The following ADGRF5 variants were observed in gnomAD, a reference collection of about 807,000 sequenced individuals.
ADGRF5 encodes the protein adhesion G protein-coupled receptor F5, also known as G-protein coupled receptor 116.
ADGRF5 carries 75 observed loss-of-function variants against 132.3 expected under a neutral mutation model. The observed-to-expected ratio is 0.57, with a 90% CI of 0.47 to 0.69. The LOEUF (loss-of-function observed/expected upper bound fraction) is 0.69. ADGRF5 is among the 30% of genes least tolerant of loss of function. ADGRF5 has a pLI of 0.00. For synonymous variants in ADGRF5, 629 were observed against 597.6 expected (o/e 1.05, Z -0.77); for missense variants, 1,516 against 1,630.6 (o/e 0.93, Z 1.21).
upstream of ADGRF5, among the ~76,000 whole-genome samples, chr6:46,922,920 T>C (rs1473365245): frequency 6.6e-6 from 1 of 152,150 alleles, no homozygotes; most frequent in East Asian, 1.9e-4. Context: ...CTTGACCCTA[T>C]TGAGATTCAG....
chr6:46,888,128 C>T, intron 4 of ADGRF5: 1 of 497,414 alleles, frequency 2.0e-6, no homozygotes, highest in Non-Finnish European at 3.6e-6. Flanking sequence ...CCTTTGGTCA[C>T]CATTTAAAAT....
intron 1 of ADGRF5, among the ~76,000 whole-genome samples, chr6:46,938,448 T>C (rs548306437): frequency 2.4e-4 from 36 of 152,340 alleles, no homozygotes; most frequent in African/African-American, 7.5e-4. Context: ...ACTTGGGGGC[T>C]GCTGTGAAAA....
intron 16 of ADGRF5, among the ~76,000 whole-genome samples, chr6:46,860,095 G>A (rs989130025): frequency 3.3e-5 from 5 of 152,080 alleles, no homozygotes; most frequent in African/African-American, 1.2e-4. Context: ...TATAGCTCTG[G>A]CCTTCCAAGA....
At chr6:46,914,866 T>G (rs1378767469) in intron 1 of ADGRF5, among the ~76,000 whole-genome samples, 2 of 151,722 alleles carry the variant, frequency 1.3e-5, no homozygotes, top group Non-Finnish European at 2.9e-5. Context: ...TGTTTGTTTG[T>G]TTTTTTTGAG....
At chr6:46,900,929 A>G (rs1373870042) in intron 2 of ADGRF5, among the ~76,000 whole-genome samples, 5 of 152,236 alleles carry the variant, frequency 3.3e-5, no homozygotes, top group Non-Finnish European at 5.9e-5. Context: ...CCTTGGGCAA[A>G]TCACTTAATC....
At chr6:46,911,039 G>T (rs1775897859) in intron 1 of ADGRF5, among the ~76,000 whole-genome samples, 2 of 152,124 alleles carry the variant, frequency 1.3e-5, no homozygotes, top group Admixed American at 6.5e-5. Context: ...CACCACTTCT[G>T]ACTTACTACA....
chr6:46,937,585 T>C (rs77339957), intron 1 of ADGRF5, among the ~76,000 whole-genome samples: 5,234 of 152,252 alleles, frequency 0.034, 126 homozygotes, highest in Non-Finnish European at 0.051. Flanking sequence ...CTAAACCCCA[T>C]ATATACCATT....
upstream of ADGRF5, among the ~76,000 whole-genome samples, chr6:46,925,658 G>A (rs942652888): frequency 4.6e-5 from 7 of 152,226 alleles, no homozygotes; most frequent in African/African-American, 1.4e-4. Context: ...TCAGGAGGCT[G>A]AGGAAGGAGA....
At chr6:46,951,084 C>A (rs1778482211) in intron 1 of ADGRF5, among the ~76,000 whole-genome samples, 1 of 152,198 alleles carries the variant, frequency 6.6e-6, no homozygotes, top group Non-Finnish European at 1.5e-5. Flanking sequence ...ACCTCTCATG[C>A]AGGTTAATAT....
intron 14 of ADGRF5, among the ~76,000 whole-genome samples, chr6:46,864,691 A>AT (rs1305379293): frequency 6.6e-6 from 1 of 151,980 alleles, no homozygotes; most frequent in African/African-American, 2.4e-5. Flanking sequence ...TGCCTGGCTA[A>AT]TTTTTTGTAG....
At position 46,858,604 on chromosome 6, in the gene ADGRF5, A is replaced by G; in HGVS notation, c.3299T>C (p.Val1100Ala). ...TFFIHFFYLS[V>A]FFWMLTLGLM... is the part of the protein sequence containing the mutation. ...GCCCAGTGTCAGCATCCAGAAGAAG[A>G]CGCTGAGGTAGAAGAAGTGGATGAA... Residue 1100 changes from valine to alanine, a missense_variant, in exon 17 of 21, where the codon GTC (valine) becomes GCC (alanine). Around this residue, in one of 2 missense-constraint regions of ADGRF5, gnomAD observed 571 missense variants for 701.2 expected, o/e 0.81. Transcript: ENST00000283296. The G allele has an allele frequency of 6.2e-7, 1 of 1,614,128 alleles. No individual in the cohort carries two copies. The highest frequency in any genetic ancestry group is 1.6e-4 in the Middle Eastern group (1 of 6,062).
chr6:46,871,414 G>A (rs1441830065), intron 11 of ADGRF5, among the ~76,000 whole-genome samples: 1 of 152,184 alleles, frequency 6.6e-6, no homozygotes, highest in Non-Finnish European at 1.5e-5. Context: ...ATGAGGAAGG[G>A]TGTTGAGGAG....
At chr6:46,867,268 C>A in intron 12 of ADGRF5, 131 bp from the exon 13 acceptor site, 2 of 605,188 alleles carry the variant, frequency 3.3e-6, no homozygotes, top group Admixed American at 2.8e-5. Context: ...ACTTCCTGGA[C>A]ACTGGAGGAA....
chr6:46,874,615 G>C (rs1771438676), intron 10 of ADGRF5, among the ~76,000 whole-genome samples: 1 of 152,190 alleles, frequency 6.6e-6, no homozygotes, highest in East Asian at 1.9e-4. Context: ...AATGGCGGCT[G>C]TAGTTCTGGT....
intron 1 of ADGRF5, among the ~76,000 whole-genome samples, chr6:46,932,268 G>T (rs1236279683): frequency 3.6e-4 from 55 of 152,142 alleles, no homozygotes; most frequent in Non-Finnish European, 1.0e-4. Context: ...AGTTAGCAGT[G>T]ACTAATGTGG....
upstream of ADGRF5, among the ~76,000 whole-genome samples, chr6:46,924,146 C>A (rs956378566): frequency 4.6e-5 from 7 of 152,244 alleles, no homozygotes; most frequent in Non-Finnish European, 7.4e-5. Context: ...TCACTCTGCC[C>A]TTCTCCTTTC....
intron 3 of ADGRF5, among the ~76,000 whole-genome samples, chr6:46,894,994 C>T (rs1774022469): frequency 6.6e-6 from 1 of 152,084 alleles, no homozygotes; most frequent in African/African-American, 2.4e-5. Flanking sequence ...CTGGCCAACA[C>T]AGTGAAACCT....
chr6:46,892,195 C>T (rs1338646604), intron 3 of ADGRF5, among the ~76,000 whole-genome samples: 1 of 136,902 alleles, frequency 7.3e-6, no homozygotes, highest in Non-Finnish European at 1.6e-5. Context: ...CACACACACA[C>T]ACACACACAC....
At chr6:46,931,776 C>T (rs1777567488) in intron 1 of ADGRF5, among the ~76,000 whole-genome samples, 1 of 152,142 alleles carries the variant, frequency 6.6e-6, no homozygotes, top group Admixed American at 6.6e-5. Flanking sequence ...CTGACTGTCA[C>T]TAAAAGAATG....
Sources: allele counts gnomAD v4.1 joint callset (sites outside exome capture counted in the v4.1 genomes callset), GRCh38; gene constraint gnomAD v4.1.1; regional missense constraint gnomAD v4.1.1; transcripts MANE v1.5; gene names NCBI Gene and HGNC (gene_info 2026-07-23, HGNC 2026-07-21).